ZBTB40: variants seen among roughly 807,000 people sequenced by gnomAD.
ZBTB40 encodes the protein zinc finger and BTB domain containing 40.
In ZBTB40, 60 loss-of-function variants were observed where a neutral mutation model predicts 117.5. The ratio of observed to expected loss-of-function variants is 0.51; its 90% CI spans 0.41 to 0.63. ZBTB40 has a LOEUF of 0.63. Among genes scored for constraint, ZBTB40 ranks in the 30% least tolerant of loss-of-function variants. The probability of loss-of-function intolerance (pLI) is 0.00; values close to 1 mark genes in which losing one functional copy is unlikely to be tolerated. For synonymous variants in ZBTB40, 525 were observed against 577.1 expected (o/e 0.91, Z 1.29); for missense variants, 1,287 against 1,498.5 (o/e 0.86, Z 2.33).
At chr1:22,499,307 A>G (rs966737638) in intron 3 of ZBTB40, among the ~76,000 whole-genome samples, 7 of 152,314 alleles carry the variant, frequency 4.6e-5, no homozygotes, top group African/African-American at 1.7e-4. Flanking sequence ...GCAAGATGGA[A>G]GTCAAACTAG....
chr1:22,522,887 C>T (rs1639573794), intron 16 of ZBTB40, among the ~76,000 whole-genome samples: 1 of 149,650 alleles, frequency 6.7e-6, no homozygotes, highest in South Asian at 2.1e-4. Flanking sequence ...CTGACTTAGC[C>T]TCCCAAGTAG....
At position 22,507,113 on chromosome 1, in the gene ZBTB40, A is replaced by G. The variant is rs113080638; in HGVS notation, c.1360+872A>G. Among the ~76,000 whole-genome samples, 137 of 152,316 alleles carry G rather than the reference A, an allele frequency of 9.0e-4. 1 individual carries two copies. Among genetic ancestry groups the G allele is most frequent in the African/African-American group, 3.2e-3 (132 of 41,562 alleles). ...TCAGAGCGGATGTAGCATAATGGTT[A>G]GGACTGTAGGCATTGGTGTCAAGAC... On this transcript the variant is annotated intron_variant, in intron 6 of 17. Transcript: ENST00000375647.
rs1213461947 is a variant in ZBTB40 at position 22,530,560 on chromosome 1, G to A, written c.*4164G>A. On this transcript the variant is annotated 3_prime_UTR_variant, in exon 18 of 18. Coordinates refer to ENST00000375647, the MANE Select transcript of ZBTB40 (RefSeq NM_014870.4). ...AATGTGTGTCATTTCCTTTACCAAG[G>A]CCAGTCATCCCTGCTTCCACCCATG... The A allele has an allele frequency of 2.6e-5, 4 of 152,310 alleles. No individual in the cohort carries two copies. The highest frequency in any genetic ancestry group is 4.4e-5 in the Non-Finnish European group (3 of 68,044). 9.4% of individuals were successfully genotyped at this position (152,310 alleles called of 1,614,324 possible).
chr1:22,529,253 TG>T lies in ZBTB40; in HGVS notation c.*2858del, dbSNP rs1424845501. On this transcript the variant is annotated 3_prime_UTR_variant, in exon 18 of 18. Transcript: ENST00000375647. The stretch of plus-strand genomic sequence containing the variant: ...GCTCGCTTCCATGGGGTCCCGGTGT[TG>T]TTTTTGCCTCGTTCCCCATAGGCTG... 2 of 152,372 alleles carry T rather than the reference TG, an allele frequency of 1.3e-5. No homozygotes were observed. The highest frequency in any genetic ancestry group is 4.8e-5 in the African/African-American group (2 of 41,432). 9.4% of individuals were successfully genotyped at this position (152,372 alleles called of 1,614,324 possible).
At chr1:22,439,928 T>A (rs1640712143) in intron 1 of ZBTB40, among the ~76,000 whole-genome samples, 1 of 152,258 alleles carries the variant, frequency 6.6e-6, no homozygotes, top group Non-Finnish European at 1.5e-5. Context: ...TATTAACATC[T>A]TAGCAATACT....
intron 1 of ZBTB40, among the ~76,000 whole-genome samples, chr1:22,458,160 C>T (rs1262279010): frequency 6.6e-6 from 1 of 152,220 alleles, no homozygotes. Context: ...TATGAAACAG[C>T]CTTCTAGTTG....
At chr1:22,502,174 T>C in intron 4 of ZBTB40, 125 bp from the exon 5 acceptor site, 3 of 1,121,932 alleles carry the variant, frequency 2.7e-6, no homozygotes, top group Non-Finnish European at 3.9e-6. Flanking sequence ...GATTCTGCAT[T>C]CAGGTGCTCA....
Position 22,526,226 on chromosome 1 carries a change from G to A in ZBTB40, c.3550G>A (p.Ala1184Thr). Residue 1184 changes from alanine (A) to threonine (T), a missense_variant, in exon 18 of 18, where the codon GCC (alanine) becomes ACC (threonine). Ala to Thr is a moderately conservative substitution (Grantham distance 58, BLOSUM62 0). Around this residue, in one of 2 missense-constraint regions of ZBTB40, gnomAD observed 417 missense variants for 564.1 expected, o/e 0.74. Coordinates refer to ENST00000375647, the MANE Select transcript of ZBTB40 (RefSeq NM_014870.4). ...GGTGATCCAAACCCCAGAGCCGGTG[G>A]CCCCGACAGAGCAGGTGATCACTTT... ...AQVIQTPEPV[A>T]PTEQVITLEE... The A allele has an allele frequency of 1.9e-6, 3 of 1,614,144 alleles. No individual in the cohort carries two copies. Among genetic ancestry groups the A allele is most frequent in the Non-Finnish European group, 2.5e-6 (3 of 1,180,018 alleles).
intron 6 of ZBTB40, among the ~76,000 whole-genome samples, chr1:22,506,450 C>T (rs1639078522): frequency 6.6e-6 from 1 of 152,158 alleles, no homozygotes; most frequent in South Asian, 2.1e-4. Flanking sequence ...GTTAAGCTCC[C>T]TCATGGTGTT....
intron 1 of ZBTB40, among the ~76,000 whole-genome samples, chr1:22,429,549 A>G (rs1640549411): frequency 1.3e-5 from 2 of 152,070 alleles, no homozygotes; most frequent in Admixed American, 1.3e-4. Flanking sequence ...TCCCATCAGC[A>G]TTATTAAGTA....
At chr1:22,429,874 A>G (rs962844622) in intron 1 of ZBTB40, among the ~76,000 whole-genome samples, 1 of 152,224 alleles carries the variant, frequency 6.6e-6, no homozygotes, top group African/African-American at 2.4e-5. Flanking sequence ...GCACACCTGT[A>G]ATTCCAGCTA....
Position 22,508,051 on chromosome 1 carries a change from GAAA to G in ZBTB40, c.1413_1415del (p.Glu471_Asn472delinsAsp). 6.2e-7 allele frequency: 1 copy of G among 1,614,116 alleles called. No homozygotes were observed. ...GACTGAGCTATTGAGACGCTATCAT[GAAA>G]ACCTCTCTGAGATTTTCACAGACAA... On this transcript the variant is annotated inframe_deletion, in exon 7 of 18. Coordinates refer to ENST00000375647, the MANE Select transcript of ZBTB40 (RefSeq NM_014870.4).
intron 1 of ZBTB40, among the ~76,000 whole-genome samples, chr1:22,429,251 G>T (rs2124355896): frequency 6.6e-6 from 1 of 152,120 alleles, no homozygotes; most frequent in African/African-American, 2.4e-5. Context: ...GCGTGGTGGC[G>T]GGCGCCTGTA....
chr1:22,515,068 CTA>C (rs1393529445), intron 12 of ZBTB40, among the ~76,000 whole-genome samples: 1 of 152,180 alleles, frequency 6.6e-6, no homozygotes, highest in African/African-American at 2.4e-5. Flanking sequence ...TTGGGGGACA[CTA>C]TTTGTATCAT....
chr1:22,507,936 T>C, intron 6 of ZBTB40, 65 bp from the exon 7 acceptor site: 4 of 1,612,136 alleles, frequency 2.5e-6, no homozygotes, highest in Non-Finnish European at 3.4e-6. Context: ...ATTGGTAATA[T>C]CCTGGAGTCT....
At chr1:22,482,336 A>G (rs1362996849) in intron 1 of ZBTB40, among the ~76,000 whole-genome samples, 1 of 152,148 alleles carries the variant, frequency 6.6e-6, no homozygotes, top group Non-Finnish European at 1.5e-5. Context: ...TTTTTAGAGC[A>G]GTTTGAGGTA....
At chr1:22,469,778 C>T (rs1473197518) in intron 1 of ZBTB40, among the ~76,000 whole-genome samples, 2 of 152,058 alleles carry the variant, frequency 1.3e-5, no homozygotes, top group African/African-American at 2.4e-5. Flanking sequence ...CCTTAAATGA[C>T]CGCCTGCCTT....
intron 1 of ZBTB40, among the ~76,000 whole-genome samples, chr1:22,480,992 A>G (rs968932289): frequency 6.6e-6 from 1 of 152,178 alleles, no homozygotes; most frequent in African/African-American, 2.4e-5. Flanking sequence ...TGCAGTCTCC[A>G]TGTGAGTATT....
In ZBTB40 at chr1:22,502,436, A is replaced by G; in HGVS notation, c.1162A>G (p.Lys388Glu). ...AKEEFLTGTE[K>E]RVILNCCEGR... ...GGAGGAATTCCTGACTGGCACTGAA[A>G]AAAGGGTAACTGTGTCAAGTGTCTC... Residue 388 changes from lysine (K) to glutamate (E), a missense_variant, in exon 5 of 18, where the codon AAA becomes GAA. Transcript: ENST00000375647. 1 of 1,614,042 alleles carries G rather than the reference A, an allele frequency of 6.2e-7. No individual in the cohort carries two copies. Among genetic ancestry groups the G allele is most frequent in the South Asian group, 1.1e-5 (1 of 91,082 alleles).
Sources: gnomAD v4.1 joint callset for allele counts (sites outside exome capture counted in the v4.1 genomes callset) on GRCh38, gnomAD v4.1.1 for gene constraint, gnomAD v4.1.1 regional missense constraint, MANE v1.5 for transcripts, NCBI Gene and HGNC (gene_info 2026-07-23, HGNC 2026-07-21) for gene names.